Variants in RNF19A observed in about 807,000 individuals in gnomAD.
The protein encoded by RNF19A is E3 ubiquitin-protein ligase RNF19A.
A neutral mutation model predicts 75.7 loss-of-function variants in RNF19A; 32 were observed. That is an observed-to-expected ratio of 0.42 (90% CI 0.32 to 0.57). The LOEUF (loss-of-function observed/expected upper bound fraction) is 0.57, where lower values mean the gene tolerates loss of function less well. Ranked by LOEUF, RNF19A falls within the 20% of genes least tolerant of loss-of-function variation. RNF19A has a pLI of 0.10. For missense variants in RNF19A, 782 were observed against 1,036.3 expected (o/e 0.75, Z 3.37); for synonymous variants, 335 against 345.2 (o/e 0.97, Z 0.33).
intron 2 of RNF19A, among the ~76,000 whole-genome samples, chr8:100,278,436 C>A (rs117888926): frequency 3.3e-5 from 5 of 152,138 alleles, no homozygotes; most frequent in African/African-American, 1.2e-4. Flanking sequence ...AACTGAGTCA[C>A]TTAAGTATAA....
chr8:100,305,526 C>T (rs1368580586), intron 1 of RNF19A, among the ~76,000 whole-genome samples: 1 of 152,146 alleles, frequency 6.6e-6, no homozygotes, highest in Non-Finnish European at 1.5e-5. Flanking sequence ...ACTAATTTTG[C>T]CTGTTTCCTT....
At chr8:100,293,845 T>C (rs1048667388) in intron 1 of RNF19A, among the ~76,000 whole-genome samples, 2 of 152,232 alleles carry the variant, frequency 1.3e-5, no homozygotes, top group African/African-American at 2.4e-5. Context: ...TATCTTCAAT[T>C]TAATCAACTT....
chr8:100,280,421 A>G (rs1439555617), intron 2 of RNF19A, among the ~76,000 whole-genome samples: 2 of 152,160 alleles, frequency 1.3e-5, no homozygotes, highest in Non-Finnish European at 2.9e-5. Flanking sequence ...GGGTAGAGAG[A>G]AAAGGAGAGT....
upstream of RNF19A, among the ~76,000 whole-genome samples, chr8:100,312,615 G>A (rs1822316876): frequency 6.6e-6 from 1 of 151,492 alleles, no homozygotes; most frequent in Non-Finnish European, 1.5e-5. Context: ...AGAAGGGAAG[G>A]AGGGAGGGAG....
chr8:100,291,886 T>C (rs1821310673), intron 1 of RNF19A, among the ~76,000 whole-genome samples: 1 of 152,052 alleles, frequency 6.6e-6, no homozygotes, highest in Non-Finnish European at 1.5e-5. Context: ...TCCAGATGTA[T>C]GGTACTTCTA....
chr8:100,328,620 C>T (rs561208609), intron 1 of RNF19A, among the ~76,000 whole-genome samples: 4 of 152,034 alleles, frequency 2.6e-5, no homozygotes, highest in Non-Finnish European at 5.9e-5. Context: ...TACAGGCACG[C>T]GCCACCACAC....
chr8:100,293,164 T>C (rs1029231586), intron 1 of RNF19A, among the ~76,000 whole-genome samples: 5 of 152,200 alleles, frequency 3.3e-5, no homozygotes, highest in African/African-American at 7.2e-5. Context: ...CGTGGCCCAG[T>C]TCCTAACAGG....
chr8:100,326,988 A>T (rs1822541881), intron 1 of RNF19A, among the ~76,000 whole-genome samples: 1 of 152,232 alleles, frequency 6.6e-6, no homozygotes, highest in South Asian at 2.1e-4. Flanking sequence ...TCTGGTCTAA[A>T]CGTTCTGATT....
intron 1 of RNF19A, among the ~76,000 whole-genome samples, chr8:100,321,987 ATTCTT>A (rs1388408270): frequency 1.7e-5 from 2 of 116,278 alleles, no homozygotes; most frequent in African/African-American, 8.3e-5. Context: ...GTTTAGCAAA[ATTCTT>A]TTTTTTTTCT....
rs1821313102 is a variant in RNF19A, at chr8:100,291,945, T to TCGAAG, written c.-93-3679_-93-3678insCTTCG. On this transcript the variant is annotated intron_variant, in intron 1 of 9. Coordinates refer to ENST00000341084, the MANE Select transcript of RNF19A (RefSeq NM_183419.4). ...CATGTGACAATATTTACTAGCACTG[T>TCGAAG]TGAACAGAAAGAGGACTAAGTCTTT... Among the ~76,000 whole-genome samples the TCGAAG allele has an allele frequency of 1.5e-4, 16 of 104,670 alleles. No individual in the cohort carries two copies. In the South Asian group the frequency reaches 4.7e-3, roughly 31 times the overall value. 68.7% of individuals were successfully genotyped at this position (104,670 alleles called of 152,430 possible). A position where few individuals can be genotyped will look rare whatever the true frequency, so the allele number is the denominator to read the frequency against.
intron 3 of RNF19A, among the ~76,000 whole-genome samples, chr8:100,273,621 G>A (rs16898151): frequency 0.059 from 8,967 of 152,110 alleles, 338 homozygotes; most frequent in African/African-American, 0.11. Context: ...CATTTCTGTC[G>A]TTTTTTAATT....
intron 2 of RNF19A, among the ~76,000 whole-genome samples, chr8:100,280,997 C>T (rs1298727157): frequency 6.6e-6 from 1 of 152,162 alleles, no homozygotes; most frequent in Non-Finnish European, 1.5e-5. Context: ...GGAAAAAGAA[C>T]AGGCTCAATA....
rs1406560659 is a variant in RNF19A, at chr8:100,260,772, T to G, written c.1682+770A>C. The stretch of plus-strand genomic sequence containing the variant: ...AACAGGGGAAGATAATTTTTCCTAC[T>G]TATCTATATGGCTATTGATAAAAGA... On this transcript the variant is annotated intron_variant, in intron 8 of 9. Transcript: ENST00000341084. The surrounding 1 kb of genome is among the most constrained non-coding windows in gnomAD (Gnocchi z 4.1). Among the ~76,000 whole-genome samples, 1 of 152,204 alleles carries G rather than the reference T, an allele frequency of 6.6e-6. No homozygotes were observed. Among genetic ancestry groups the G allele is most frequent in the East Asian group, 1.9e-4 (1 of 5,200 alleles).
chr8:100,275,616 A>T lies in RNF19A; in HGVS notation c.675-455T>A, dbSNP rs190614836. Reference sequence around the variant, plus strand: ...CCTAATCTCAATTTTATAAAAAACCATATTAAATTAGTACAGTATTGTATG... The same window carrying T: ...CCTAATCTCAATTTTATAAAAAACCTTATTAAATTAGTACAGTATTGTATG... On this transcript the variant is annotated intron_variant, in intron 2 of 9. Coordinates refer to ENST00000341084, the MANE Select transcript of RNF19A (RefSeq NM_183419.4). This position sits in a 1 kb window ranked among gnomAD's most constrained non-coding sequence, Gnocchi z 4.3. Among the ~76,000 whole-genome samples, 1 of 152,154 alleles carries T rather than the reference A, an allele frequency of 6.6e-6. No individual in the cohort carries two copies. Among genetic ancestry groups the T allele is most frequent in the Non-Finnish European group, 1.5e-5 (1 of 68,032 alleles).
chr8:100,292,469 T>TGC (rs1821353083), intron 1 of RNF19A, among the ~76,000 whole-genome samples: 1 of 151,668 alleles, frequency 6.6e-6, no homozygotes, highest in South Asian at 2.1e-4. Flanking sequence ...TGTGTGTGTG[T>TGC]ACGTATAAAT....
chr8:100,278,343 A>G (rs892273421), intron 2 of RNF19A, among the ~76,000 whole-genome samples: 2 of 152,242 alleles, frequency 1.3e-5, no homozygotes, highest in African/African-American at 4.8e-5. Flanking sequence ...TTGAATATTA[A>G]TATCTGAATA....
intron 2 of RNF19A, among the ~76,000 whole-genome samples, chr8:100,280,215 T>C (rs921707934): frequency 1.3e-5 from 2 of 152,214 alleles, no homozygotes; most frequent in South Asian, 2.1e-4. Flanking sequence ...CATTTATTCT[T>C]GTATCCCAGA....
chr8:100,274,004 T>C (rs1820383242), intron 3 of RNF19A, among the ~76,000 whole-genome samples: 1 of 152,092 alleles, frequency 6.6e-6, no homozygotes, highest in Non-Finnish European at 1.5e-5. Context: ...AGGCTGGTCT[T>C]GAACCCCTGA....
upstream of RNF19A, chr8:100,310,280 G>C: frequency 1.0e-6 from 1 of 977,438 alleles, no homozygotes; most frequent in Non-Finnish European, 1.2e-6. Flanking sequence ...TTCCGCGCCC[G>C]CGCAGGAGCC....
Sources: allele counts gnomAD v4.1 joint callset (sites outside exome capture counted in the v4.1 genomes callset), GRCh38; gene constraint gnomAD v4.1.1; non-coding constraint Gnocchi (gnomAD v3.1); transcripts MANE v1.5; gene names NCBI Gene and HGNC (gene_info 2026-07-23, HGNC 2026-07-21).